The following MAN2A2 variants were observed in gnomAD, a reference collection of about 807,000 sequenced individuals.
The protein encoded by MAN2A2 is alpha-mannosidase 2x.
In MAN2A2, 79 loss-of-function variants were observed where a neutral mutation model predicts 126.8. The observed-to-expected ratio is 0.62, with a 90% CI of 0.52 to 0.75. The LOEUF (loss-of-function observed/expected upper bound fraction) is 0.75. Ranked by LOEUF, MAN2A2 falls within the 30% of genes least tolerant of loss-of-function variation. The pLI, the probability that MAN2A2 is intolerant of heterozygous loss-of-function variation, is 0.00. For missense variants in MAN2A2, 1,392 were observed against 1,522.4 expected (o/e 0.91, Z 1.43); for synonymous variants, 671 against 618.7 (o/e 1.08, Z -1.25).
At chr15:90,913,051 A>G (rs2151315848) in intron 17 of MAN2A2, 60 bp downstream of exon 17, 3 of 1,395,044 alleles carry the variant, frequency 2.2e-6, no homozygotes, top group Non-Finnish European at 3.0e-6. Flanking sequence ...ACTGTGGCGT[A>G]TTCTTCCTTC....
chr15:90,906,566 C>T (rs1478811591), intron 6 of MAN2A2, 69 bp downstream of exon 6: 1 of 1,608,572 alleles, frequency 6.2e-7, no homozygotes, highest in Non-Finnish European at 8.5e-7. Flanking sequence ...CTGTAAGGCA[C>T]AGGGATCGGC....
Position 90,919,645 on chromosome 15 carries a change from G to A in MAN2A2, c.3311G>A (p.Gly1104Asp). The change falls in exon 23 of 23, where the codon GGC (glycine) becomes GAC (aspartate). Residue 1104 changes from glycine to aspartate, a missense_variant. Physicochemically the swap from Gly to Asp is moderately conservative, Grantham distance 94. Transcript: ENST00000559717. ...CTTSQGKVAL[G>D]SLFHGLDVVF... ...CTCTGCTCTCCACAGGTAGCCCTGG[G>A]CAGCCTTTTCCATGGCCTGGATGTG... 6.2e-7 allele frequency: 1 copy of A among 1,614,134 alleles called. No individual in the cohort carries two copies. Among genetic ancestry groups the A allele is most frequent in the Non-Finnish European group, 8.5e-7 (1 of 1,180,008 alleles).
rs763365099 is a variant in MAN2A2, at chr15:90,906,435, C to T, written c.773C>T (p.Ser258Phe). The change falls in exon 6 of 23, where the codon TCC (serine) becomes TTC (phenylalanine). Residue 258 changes from serine (S) to phenylalanine (F), a missense_variant. Ser to Phe is a radical substitution (Grantham distance 155, BLOSUM62 -2). Coordinates refer to ENST00000559717, the MANE Select transcript of MAN2A2 (RefSeq NM_006122.4). ...TGGGTGATGCCAGATGAGGCCAATT[C>T]CCACTACTTTGCATTGATTGACCAG... is the stretch of plus-strand genomic sequence containing the variant. ...GGWVMPDEAN[S>F]HYFALIDQLI... The T allele has an allele frequency of 6.2e-7, 1 of 1,614,128 alleles. No individual in the cohort carries two copies. Among genetic ancestry groups the T allele is most frequent in the Non-Finnish European group, 8.5e-7 (1 of 1,179,982 alleles).
intron 14 of MAN2A2, 158 bp from the exon 15 acceptor site, chr15:90,911,885 A>C: frequency 1.5e-6 from 1 of 684,286 alleles, no homozygotes; most frequent in Non-Finnish European, 2.6e-6. Flanking sequence ...AAGTCTGATG[A>C]GGAAGAAAGG....
Position 90,919,767 on chromosome 15 carries a change from T to C in MAN2A2, c.3433T>C (p.Phe1145Leu), listed in dbSNP as rs774362270. ...TTTGGAGCCCATGGAGATTGCTACC[T>C]TTCGCCTCCGCTTGGGTTAGGGCTT... ...VYLEPMEIAT[F>L]RLRLG Residue 1145 changes from phenylalanine (F) to leucine (L), a missense_variant, in exon 23 of 23, where the codon TTT becomes CTT. By Grantham distance (22) the Phe-to-Leu change is conservative (BLOSUM62 0). Transcript: ENST00000559717. 2.5e-6 allele frequency: 4 copies of C among 1,614,206 alleles called. No homozygotes were observed. In the Admixed American group the frequency reaches 6.7e-5, roughly 27 times the overall value.
chr15:90,911,723 G>A (rs961102379), intron 14 of MAN2A2, 173 bp downstream of exon 14: 14 of 717,166 alleles, frequency 2.0e-5, no homozygotes, highest in Admixed American at 8.9e-5. Context: ...GGATTTGAGC[G>A]TGTCCTTGAA....
rs201931691 is a variant in MAN2A2 at position 90,911,364 on chromosome 15, C to T, written c.1944-21C>T. Reference sequence around the variant, plus strand: ...GGTCGGAAGCAGCAGCCTCCTGGGTCAGCCCACCTTCTACGCACAGGTTTG... The same window carrying T: ...GGTCGGAAGCAGCAGCCTCCTGGGTTAGCCCACCTTCTACGCACAGGTTTG... On this transcript the variant is annotated intron_variant, in intron 13 of 22. Transcript: ENST00000559717. 9.3e-6 allele frequency: 15 copies of T among 1,613,864 alleles called. No homozygotes were observed. The East Asian group carries it at 2.9e-4, about 31-fold the overall frequency.
rs140732932 is a variant in MAN2A2, at chr15:90,918,376, G to A, written c.3177G>A (p.Thr1059=). The change falls in exon 21 of 23, where the codon ACG becomes ACA. Residue 1059 remains threonine (T), a synonymous_variant. Transcript: ENST00000559717. ...ACTTCCACCTGCTCAACCTACGTAC[G>A]CTCCAGGCTGAGGTGAGTGTCCCTC... is the stretch of plus-strand genomic sequence containing the variant. ...PCDFHLLNLR[T]LQAEEDTLPS... is the part of the protein sequence containing the mutation. 13 of 1,613,392 alleles carry A rather than the reference G, an allele frequency of 8.1e-6. No individual in the cohort carries two copies. In the African/African-American group the frequency reaches 9.3e-5, roughly 12 times the overall value.
rs1299749988 is a variant in MAN2A2 at position 90,921,982 on chromosome 15, T to C, written c.*2195T>C. On this transcript the variant is annotated 3_prime_UTR_variant, in exon 23 of 23. Transcript: ENST00000559717. ...ATACAAATTAGTTCCAGAGGGAAGA[T>C]ATACCACAAAATTACTCAAAAATTT... 1 of 152,108 alleles carries C rather than the reference T, an allele frequency of 6.6e-6. No individual in the cohort carries two copies. The highest frequency in any genetic ancestry group is 2.4e-5 in the African/African-American group (1 of 41,424). 9.4% of individuals were successfully genotyped at this position (152,108 alleles called of 1,614,324 possible). A position where few individuals can be genotyped will look rare whatever the true frequency, so the allele number is the denominator to read the frequency against.
At chr15:90,907,051 C>T (rs1245565880) in intron 7 of MAN2A2, 138 bp downstream of exon 7, 1 of 1,157,358 alleles carries the variant, frequency 8.6e-7, no homozygotes, top group African/African-American at 1.5e-5. Flanking sequence ...AATGGTCGCA[C>T]CCTCTGGTTA....
At position 90,905,665 on chromosome 15, in the gene MAN2A2, C is replaced by T. The variant is rs778592318; in HGVS notation, c.477C>T (p.His159=). 86 of 1,614,106 alleles carry T rather than the reference C, an allele frequency of 5.3e-5. No individual in the cohort carries two copies. The highest frequency in any genetic ancestry group is 6.8e-5 in the Non-Finnish European group (80 of 1,180,024). Residue 159 remains histidine, a synonymous_variant, in exon 4 of 23, where the codon CAC becomes CAT. Transcript: ENST00000559717. Reference sequence around the variant, plus strand: ...GCTTCGACATCTCCTACGACCCGCACGACTGGGATGCTGAAGACCTGCAGG... The same window carrying T: ...GCTTCGACATCTCCTACGACCCGCATGACTGGGATGCTGAAGACCTGCAGG... The part of the protein sequence containing the change: ...RQGFDISYDP[H]DWDAEDLQVF...
At chr15:90,908,458 G>C in intron 8 of MAN2A2, among the ~76,000 whole-genome samples, 1 of 152,096 alleles carries the variant, frequency 6.6e-6, no homozygotes, top group Non-Finnish European at 1.5e-5. Flanking sequence ...TTTTTCTACT[G>C]ATTTTGCCAA....
Position 90,911,171 on chromosome 15 carries a change from G to T in MAN2A2, c.1876G>T (p.Asp626Tyr). The change falls in exon 13 of 23, where the codon GAT becomes TAT. Residue 626 changes from aspartate (D) to tyrosine (Y), a missense_variant and splice_region_variant. By Grantham distance (160) the Asp-to-Tyr change is radical (BLOSUM62 -3). Transcript: ENST00000559717. ...FDPEAPFLQV[D>Y]DTRLSHDALP... is the part of the protein sequence containing the mutation. ...TCCCTTCCGGCTCACTGAATTCCAG[G>T]ATGACACTCGCTTAAGTCACGACGC... The T allele has an allele frequency of 6.2e-7, 1 of 1,613,950 alleles. No individual in the cohort carries two copies. The highest frequency in any genetic ancestry group is 8.5e-7 in the Non-Finnish European group (1 of 1,179,964).
In MAN2A2 at chr15:90,913,744, G is replaced by A. The variant is rs1400871985; in HGVS notation, c.2849G>A (p.Ser950Asn). Residue 950 changes from serine to asparagine, a missense_variant, in exon 19 of 23, where the codon AGC becomes AAC. Coordinates refer to ENST00000559717, the MANE Select transcript of MAN2A2 (RefSeq NM_006122.4). Reference protein sequence around the residue: ...LHTAQALGVSSLKDGQLEVIL... With the variant: ...LHTAQALGVSNLKDGQLEVIL... ...ACTGCCCAGGCCCTGGGTGTCTCTA[G>A]CCTCAAAGATGGTGAGTAGGGCCCA... is the stretch of plus-strand genomic sequence containing the variant. 6.3e-7 allele frequency: 1 copy of A among 1,595,198 alleles called. No individual in the cohort carries two copies. Among genetic ancestry groups the A allele is most frequent in the Admixed American group, 1.7e-5 (1 of 57,604 alleles).
rs1484782317 is a variant in MAN2A2 at position 90,918,202 on chromosome 15, T to C, written c.3003T>C (p.Asp1001=). ...TCGGGTCAATTTTGCAGGTCCAAGA[T>C]AGCCACTCTACCAGCTACCCATCCC... ...ERRTVGSEVQ[D]SHSTSYPSLL... is the part of the protein sequence containing the mutation. Residue 1001 remains aspartate, a synonymous_variant, in exon 21 of 23, where the codon GAT becomes GAC. Coordinates refer to ENST00000559717, the MANE Select transcript of MAN2A2 (RefSeq NM_006122.4). 4 of 1,612,926 alleles carry C rather than the reference T, an allele frequency of 2.5e-6. No homozygotes were observed. In the East Asian group the frequency reaches 6.7e-5, roughly 27 times the overall value.
Position 90,912,558 on chromosome 15 carries a change from A to G in MAN2A2, c.2363A>G (p.Asp788Gly). Residue 788 changes from aspartate to glycine, a missense_variant, in exon 16 of 23, where the codon GAT (aspartate) becomes GGT (glycine). Transcript: ENST00000559717. ...TGLLKSIRRV[D>G]EEHEQQVDMQ... ...TTTTGGCAGAGCATCCGAAGGGTGGATGAGGAGCACGAGCAGCAGGTGGAC... is the reference window on the plus strand; with the variant it reads ...TTTTGGCAGAGCATCCGAAGGGTGGGTGAGGAGCACGAGCAGCAGGTGGAC... 2 of 1,613,986 alleles carry G rather than the reference A, an allele frequency of 1.2e-6. No homozygotes were observed. The highest frequency in any genetic ancestry group is 2.2e-5 in the East Asian group (1 of 44,872).
chr15:90,915,944 C>T (rs958070976), intron 19 of MAN2A2, 179 bp from the exon 20 acceptor site: 22 of 601,308 alleles, frequency 3.7e-5, no homozygotes, highest in East Asian at 2.6e-4. Flanking sequence ...CGGCCCAGGA[C>T]GAGCCCCTCA....
Position 90,912,141 on chromosome 15 carries a change from C to A in MAN2A2, c.2208C>A (p.Ile736=), listed in dbSNP as rs2034801020. The A allele has an allele frequency of 6.2e-7, 1 of 1,613,792 alleles. No individual in the cohort carries two copies. Among genetic ancestry groups the A allele is most frequent in the South Asian group, 1.1e-5 (1 of 91,094 alleles). The change falls in exon 15 of 23, where the codon ATC becomes ATA. Residue 736 remains isoleucine (I), a synonymous_variant. Coordinates refer to ENST00000559717, the MANE Select transcript of MAN2A2 (RefSeq NM_006122.4). The part of the protein sequence containing the change: ...GHRTLPSSVR[I]YLHGRQLSVS... ...GCACGCTGCCCTCCTCTGTGCGCAT[C>A]TACCTGCACGGCCGGCAGCTGTCCG...
intron 22 of MAN2A2, among the ~76,000 whole-genome samples, chr15:90,919,021 C>T (rs1370446589): frequency 6.6e-6 from 1 of 152,208 alleles, no homozygotes; most frequent in Non-Finnish European, 1.5e-5. Flanking sequence ...AAAACCAGAA[C>T]CCATCCTGTT....
Sources: gnomAD v4.1 joint callset for allele counts (sites outside exome capture counted in the v4.1 genomes callset) on GRCh38, gnomAD v4.1.1 for gene constraint, MANE v1.5 for transcripts, NCBI Gene and HGNC (gene_info 2026-07-23, HGNC 2026-07-21) for gene names.